RALY: variants seen among roughly 807,000 people sequenced by gnomAD.
RALY encodes the protein RALY heterogeneous nuclear ribonucleoprotein, also known as RNA-binding protein Raly.
A neutral mutation model predicts 30.7 loss-of-function variants in RALY; 15 were observed. The ratio of observed to expected loss-of-function variants is 0.49; its 90% CI spans 0.33 to 0.75. The LOEUF is 0.75. RALY is among the 30% of genes least tolerant of loss of function. The probability of loss-of-function intolerance (pLI) is 0.02; values close to 1 mark genes in which losing one functional copy is unlikely to be tolerated. For missense variants in RALY, 339 were observed against 414.3 expected (o/e 0.82, Z 1.58); for synonymous variants, 177 against 170.8 (o/e 1.04, Z -0.28).
Position 34,033,818 on chromosome 20 carries a change from C to T in RALY, c.-10+2214C>T, listed in dbSNP as rs145245794. 4.8e-3 allele frequency among the ~76,000 whole-genome samples: 731 copies of T among 152,226 alleles called. 8 individuals carry two copies. The highest frequency in any genetic ancestry group is 0.017 in the African/African-American group (702 of 41,534). On this transcript the variant is annotated intron_variant, in intron 2 of 9. Transcript: ENST00000246194. Reference sequence around the variant, plus strand: ...TGCCGCCCCATTCCCCAAAAGTAAACGGGAGGGTTTTCCTTTGGAAATTTT... The same window carrying T: ...TGCCGCCCCATTCCCCAAAAGTAAATGGGAGGGTTTTCCTTTGGAAATTTT...
At chr20:34,066,478 C>A (rs1464332709) in intron 2 of RALY, among the ~76,000 whole-genome samples, 1 of 152,124 alleles carries the variant, frequency 6.6e-6, no homozygotes, top group Non-Finnish European at 1.5e-5. Flanking sequence ...TGGTGAGAGC[C>A]CTCTTACAGT....
intron 2 of RALY, among the ~76,000 whole-genome samples, chr20:34,068,416 GTATCTGGGACCTCTGCCC>G (rs1269424078): frequency 6.6e-6 from 1 of 152,180 alleles, no homozygotes; most frequent in Non-Finnish European, 1.5e-5. Flanking sequence ...TTAGAAAATG[GTATCTGGGACCTCTGCCC>G]TAGTGGTCCT....
intron 1 of RALY, among the ~76,000 whole-genome samples, chr20:34,010,384 A>G (rs2031348587): frequency 6.6e-6 from 1 of 151,942 alleles, no homozygotes; most frequent in South Asian, 2.1e-4. Context: ...ACGCACCACC[A>G]TGTCCTGTTG....
At chr20:34,068,330 G>T (rs906677891) in intron 2 of RALY, among the ~76,000 whole-genome samples, 2 of 152,204 alleles carry the variant, frequency 1.3e-5, no homozygotes, top group African/African-American at 4.8e-5. Context: ...AAGCTAGGGG[G>T]TACCTTGAAA....
chr20:34,054,109 G>T (rs6088389), intron 2 of RALY, among the ~76,000 whole-genome samples: 15,111 of 152,140 alleles, frequency 0.099, 899 homozygotes, highest in African/African-American at 0.17. Context: ...GATGGATGAG[G>T]AATTTGAGCT....
In RALY at chr20:34,082,090, A is replaced by G. The variant is rs1469903548; in HGVS notation, c.*2185A>G. On this transcript the variant is annotated 3_prime_UTR_variant, in exon 10 of 10. Transcript: ENST00000246194. Reference sequence around the variant, plus strand: ...ATTTGGAGAGCTGAAGAGGGTGTACAGAGGAAGGGGCTAGGTCTGCAAGGA... The same window carrying G: ...ATTTGGAGAGCTGAAGAGGGTGTACGGAGGAAGGGGCTAGGTCTGCAAGGA... The G allele has an allele frequency of 1.3e-5, 2 of 152,376 alleles. No individual in the cohort carries two copies. The highest frequency in any genetic ancestry group is 6.5e-5 in the Admixed American group (1 of 15,290). The allele number at this position is 152,376 out of a possible 1,614,324, so 9.4% of individuals were successfully genotyped here.
chr20:34,052,259 C>A (rs1368991040), intron 2 of RALY, among the ~76,000 whole-genome samples: 2 of 152,198 alleles, frequency 1.3e-5, no homozygotes, highest in South Asian at 4.1e-4. Flanking sequence ...CAAATTTCCT[C>A]TTCTTATTTA....
chr20:34,064,826 C>T (rs997342797), intron 2 of RALY, among the ~76,000 whole-genome samples: 1 of 152,210 alleles, frequency 6.6e-6, no homozygotes, highest in Non-Finnish European at 1.5e-5. Context: ...CTCATATTAT[C>T]TCCAGTTCTT....
Position 34,077,117 on chromosome 20 carries a change from G to A in RALY, c.748G>A (p.Gly250Ser), listed in dbSNP as rs546173608. 1.6e-4 allele frequency: 264 copies of A among 1,605,744 alleles called. No homozygotes were observed. In the Admixed American group the frequency reaches 1.7e-3, roughly 11 times the overall value. ...CGGTGGCAGTGGTGGTGGCGGTGGCGGTGGCAGCAGCCGGCCACCAGCCCC... is the reference window on the plus strand; with the variant it reads ...CGGTGGCAGTGGTGGTGGCGGTGGCAGTGGCAGCAGCCGGCCACCAGCCCC... ...GGGGSGGGGG[G>S]GSSRPPAPQE... Residue 250 changes from glycine to serine, a missense_variant, in exon 8 of 10, where the codon GGT becomes AGT. By Grantham distance (56) the Gly-to-Ser change is moderately conservative (BLOSUM62 0). Coordinates refer to ENST00000246194, the MANE Select transcript of RALY (RefSeq NM_016732.3).
At chr20:34,066,105 C>T (rs1601497479) in intron 2 of RALY, among the ~76,000 whole-genome samples, 1 of 151,684 alleles carries the variant, frequency 6.6e-6, no homozygotes, top group African/African-American at 2.4e-5. Context: ...GATTCAGGAC[C>T]CCTAGCTACA....
In RALY at chr20:34,003,635, T is replaced by G. The variant is rs11698968; in HGVS notation, c.-93+9504T>G. 7.6e-5 allele frequency among the ~76,000 whole-genome samples: 8 copies of G among 104,892 alleles called. No homozygotes were observed. In the East Asian group the frequency reaches 1.1e-3, roughly 15 times the overall value. The allele number at this position is 104,892 out of a possible 152,430, so 68.8% of individuals were successfully genotyped here. A position where few individuals can be genotyped will look rare whatever the true frequency, so the allele number is the denominator to read the frequency against. ...TACCTTTGGTAAATATGCCAAACAG[T>G]TTTTTTTTTTTTTTTTTTTTTTGAG... On this transcript the variant is annotated intron_variant, in intron 1 of 9. Transcript: ENST00000246194.
intron 1 of RALY, among the ~76,000 whole-genome samples, chr20:34,021,772 G>C (rs2031830615): frequency 6.6e-6 from 1 of 152,060 alleles, no homozygotes; most frequent in Admixed American, 6.5e-5. Context: ...ATAATAAGTA[G>C]AATATGGTGA....
intron 1 of RALY, among the ~76,000 whole-genome samples, chr20:34,016,802 C>A (rs908684386): frequency 3.3e-5 from 5 of 152,236 alleles, no homozygotes; most frequent in South Asian, 2.1e-4. Flanking sequence ...CTGCCTGGGG[C>A]GGGGCATTTT....
At chr20:34,072,959 T>TGTGTGTGTGAGA (rs142692706) in intron 3 of RALY, among the ~76,000 whole-genome samples, 3 of 149,002 alleles carry the variant, frequency 2.0e-5, no homozygotes, top group African/African-American at 7.5e-5. Context: ...TGTGTGTGTG[T>TGTGTGTGTGAGA]GAGAGAGAGA....
At chr20:34,067,523 G>A (rs1041750882) in intron 2 of RALY, among the ~76,000 whole-genome samples, 1 of 152,110 alleles carries the variant, frequency 6.6e-6, no homozygotes, top group African/African-American at 2.4e-5. Flanking sequence ...AAGATCAGAG[G>A]TACCTTTTAG....
At position 34,073,809 on chromosome 20, in the gene RALY, G is replaced by A. The variant is rs757787429; in HGVS notation, c.330-10G>A. On this transcript the variant is annotated splice_polypyrimidine_tract_variant and intron_variant, in intron 4 of 9. Transcript: ENST00000246194. ...CCTAAGCTCCAGCCCTCTCCCCTTT[G>A]TTTCCCCAGTGGCTACATCTTTGAC... 8 of 1,614,074 alleles carry A rather than the reference G, an allele frequency of 5.0e-6. No homozygotes were observed. In the South Asian group the frequency reaches 8.8e-5, roughly 18 times the overall value.
At chr20:34,013,413 C>CAAA (rs34859292) in intron 1 of RALY, among the ~76,000 whole-genome samples, 10 of 84,832 alleles carry the variant, frequency 1.2e-4, no homozygotes, top group Admixed American at 5.9e-4. Flanking sequence ...GACCTTGTCT[C>CAAA]AAAAAAAAAA....
At chr20:34,036,873 G>A (rs931775971) in intron 2 of RALY, among the ~76,000 whole-genome samples, 8 of 151,740 alleles carry the variant, frequency 5.3e-5, no homozygotes, top group African/African-American at 1.9e-4. Context: ...TTTTGCTGGT[G>A]TTTTCAAAGA....
chr20:34,064,055 C>T (rs1265929319), intron 2 of RALY, among the ~76,000 whole-genome samples: 1 of 152,112 alleles, frequency 6.6e-6, no homozygotes, highest in African/African-American at 2.4e-5. Context: ...CCATAATTAG[C>T]TCCGTGTTTG....
Sources: allele counts gnomAD v4.1 joint callset (sites outside exome capture counted in the v4.1 genomes callset), GRCh38; gene constraint gnomAD v4.1.1; transcripts MANE v1.5; gene names NCBI Gene and HGNC (gene_info 2026-07-23, HGNC 2026-07-21).